The following FHIP1A variants were observed in gnomAD, a reference collection of about 807,000 sequenced individuals.
The protein encoded by FHIP1A is FHF complex subunit HOOK-interacting protein 1A.
A neutral mutation model predicts 88.6 loss-of-function variants in FHIP1A; 61 were observed. That is an observed-to-expected ratio of 0.69 (90% CI 0.56 to 0.85). The LOEUF (loss-of-function observed/expected upper bound fraction) is 0.85. FHIP1A is among the 40% of genes least tolerant of loss of function. The pLI is 0.00. For synonymous variants in FHIP1A, 478 were observed against 496.0 expected (o/e 0.96, Z 0.48); for missense variants, 1,154 against 1,273.5 (o/e 0.91, Z 1.43).
chr4:151,510,440 T>A (rs1019558502), intron 3 of FHIP1A, among the ~76,000 whole-genome samples: 3 of 152,154 alleles, frequency 2.0e-5, no homozygotes, highest in East Asian at 1.9e-4. Context: ...ATTTTTTTAT[T>A]TTGAAATAAT....
intron 2 of FHIP1A, among the ~76,000 whole-genome samples, chr4:151,478,119 T>G (rs532350790): frequency 3.0e-4 from 46 of 152,262 alleles, no homozygotes; most frequent in Non-Finnish European, 5.3e-4. Flanking sequence ...ATGTTCATAA[T>G]GGGATACTGA....
chr4:151,535,232 G>A (rs1229255112), intron 3 of FHIP1A, among the ~76,000 whole-genome samples: 1 of 152,046 alleles, frequency 6.6e-6, no homozygotes, highest in East Asian at 1.9e-4. Context: ...AAAAATAAAG[G>A]AAATTCCTTG....
intron 7 of FHIP1A, among the ~76,000 whole-genome samples, chr4:151,626,427 C>T (rs1285303541): frequency 1.3e-5 from 2 of 152,166 alleles, no homozygotes; most frequent in Non-Finnish European, 2.9e-5. Flanking sequence ...AGTCAAGTAC[C>T]TGAGTCAGGC....
At chr4:151,505,409 A>T (rs1035933864) in intron 3 of FHIP1A, among the ~76,000 whole-genome samples, 2 of 152,198 alleles carry the variant, frequency 1.3e-5, no homozygotes, top group African/African-American at 4.8e-5. Flanking sequence ...AATGGCAATG[A>T]GGGAAAAACA....
At chr4:151,488,893 A>G (rs1340827202) in intron 3 of FHIP1A, among the ~76,000 whole-genome samples, 2 of 152,220 alleles carry the variant, frequency 1.3e-5, no homozygotes, top group Non-Finnish European at 2.9e-5. Context: ...ACTTTTGTAA[A>G]ATAACTCGAG....
intron 2 of FHIP1A, among the ~76,000 whole-genome samples, chr4:151,481,395 T>G (rs1458745558): frequency 1.3e-5 from 2 of 152,104 alleles, no homozygotes. Context: ...GAAAAGTTTT[T>G]AATGGCCAAC....
chr4:151,627,049 C>T (rs1735983189), intron 7 of FHIP1A, among the ~76,000 whole-genome samples: 1 of 152,114 alleles, frequency 6.6e-6, no homozygotes, highest in East Asian at 1.9e-4. Flanking sequence ...CCTGAAGGCT[C>T]TGAGGATATG....
At position 151,512,976 on chromosome 4, in the gene FHIP1A, A is replaced by T. The variant is rs921666560; in HGVS notation, c.-123+30328A>T. Among the ~76,000 whole-genome samples the T allele has an allele frequency of 3.9e-5, 6 of 152,118 alleles. No homozygotes were observed. In the South Asian group the frequency reaches 1.2e-3, roughly 32 times the overall value. On this transcript the variant is annotated intron_variant, in intron 3 of 13. Transcript: ENST00000435205. ...ACGCCACAAAGATACTCCTCGAGAA[A>T]AGCAACTCCAAGACACATAATTGTC...
chr4:151,453,772 C>T (rs1190789489), intron 1 of FHIP1A, among the ~76,000 whole-genome samples: 10 of 151,866 alleles, frequency 6.6e-5, no homozygotes, highest in African/African-American at 1.9e-4. Flanking sequence ...AACTGGGAGG[C>T]GGAGGTGGCG....
chr4:151,547,132 G>T (rs1191833336), intron 3 of FHIP1A, among the ~76,000 whole-genome samples: 1 of 152,176 alleles, frequency 6.6e-6, no homozygotes, highest in Admixed American at 6.5e-5. Context: ...TTGATTTGCT[G>T]TATCTTGTCC....
At chr4:151,410,399 T>C (rs1732576987) in intron 1 of FHIP1A, among the ~76,000 whole-genome samples, 1 of 152,242 alleles carries the variant, frequency 6.6e-6, no homozygotes, top group Non-Finnish European at 1.5e-5. Flanking sequence ...TTGGGCTTGC[T>C]CCCTTGGCTT....
At chr4:151,578,127 T>G (rs1350188220) in intron 5 of FHIP1A, 51 bp downstream of exon 5, 2 of 1,474,016 alleles carry the variant, frequency 1.4e-6, no homozygotes, top group Non-Finnish European at 1.8e-6. Flanking sequence ...TTTTCTCTTC[T>G]GTTGCTAGTG....
intron 4 of FHIP1A, among the ~76,000 whole-genome samples, chr4:151,569,251 G>A (rs1733505558): frequency 6.6e-6 from 1 of 152,164 alleles, no homozygotes; most frequent in Non-Finnish European, 1.5e-5. Context: ...TTTTTTAAAT[G>A]TTAAATTAGC....
At chr4:151,517,506 G>T (rs570729303) in intron 3 of FHIP1A, among the ~76,000 whole-genome samples, 8 of 152,120 alleles carry the variant, frequency 5.3e-5, no homozygotes, top group African/African-American at 1.9e-4. Flanking sequence ...GCAATATGGC[G>T]ACTTTGGTTG....
chr4:151,412,744 G>T (rs1732717220), intron 1 of FHIP1A, among the ~76,000 whole-genome samples: 1 of 147,380 alleles, frequency 6.8e-6, no homozygotes. Flanking sequence ...GAGTGCAATG[G>T]CGTGATCTCA....
At chr4:151,606,429 A>G (rs546479753) in intron 7 of FHIP1A, among the ~76,000 whole-genome samples, 1 of 152,322 alleles carries the variant, frequency 6.6e-6, no homozygotes, top group African/African-American at 2.4e-5. Context: ...ATGGAATGTA[A>G]GATGCCACCT....
intron 3 of FHIP1A, among the ~76,000 whole-genome samples, chr4:151,494,473 G>T (rs1730391112): frequency 6.6e-6 from 1 of 152,180 alleles, no homozygotes. Context: ...TTGAAGATCA[G>T]ATGGTTGTAG....
chr4:151,552,505 G>A (rs1422103456), intron 3 of FHIP1A, among the ~76,000 whole-genome samples: 3 of 152,176 alleles, frequency 2.0e-5, no homozygotes, highest in Admixed American at 6.5e-5. Context: ...CATAAAAAAT[G>A]ATGAATTCTT....
intron 1 of FHIP1A, among the ~76,000 whole-genome samples, chr4:151,440,361 G>A (rs1728358389): frequency 1.3e-5 from 2 of 152,096 alleles, no homozygotes; most frequent in South Asian, 4.1e-4. Context: ...TTGTTCAGGT[G>A]CCTGACACAT....
Sources: allele counts gnomAD v4.1 joint callset (sites outside exome capture counted in the v4.1 genomes callset), GRCh38; gene constraint gnomAD v4.1.1; transcripts MANE v1.5; gene names NCBI Gene and HGNC (gene_info 2026-07-23, HGNC 2026-07-21).